ETNK2: variants seen among roughly 807,000 people sequenced by gnomAD.
The protein encoded by ETNK2 is ethanolamine kinase 2.
Under a neutral mutation model 46.2 loss-of-function variants are expected in ETNK2, and 33 were observed. The observed-to-expected ratio is 0.71, with a 90% CI of 0.54 to 0.96. The LOEUF (loss-of-function observed/expected upper bound fraction) is 0.96. Ranked by LOEUF, ETNK2 falls within the 40% of genes least tolerant of loss-of-function variation. The pLI is 0.00. For missense variants in ETNK2, 445 were observed against 509.7 expected, an observed-to-expected ratio of 0.87 and a Z score of 1.22; for synonymous variants, 194 against 209.0, an observed-to-expected ratio of 0.93 and a Z score of 0.62.
intron 1 of ETNK2, among the ~76,000 whole-genome samples, 185 bp from the exon 2 acceptor site, chr1:204,150,147 G>A (rs1657950468): frequency 1.3e-5 from 2 of 152,146 alleles, no homozygotes; most frequent in South Asian, 2.1e-4. Flanking sequence ...GGAGTCTCCA[G>A]TCTCTATAGA....
chr1:204,135,402 C>T (rs182274702), intron 6 of ETNK2, among the ~76,000 whole-genome samples: 5 of 152,072 alleles, frequency 3.3e-5, no homozygotes, highest in East Asian at 3.9e-4. Context: ...CAAACCTGCA[C>T]GTGTACCTCT....
intron 3 of ETNK2, among the ~76,000 whole-genome samples, chr1:204,144,343 C>G (rs1223708411): frequency 5.5e-5 from 1 of 18,228 alleles, no homozygotes; most frequent in Non-Finnish European, 9.2e-5. Context: ...GAGAATCCAT[C>G]TCAAAAAAAA....
At chr1:204,137,534 C>A (rs1385419049) in intron 5 of ETNK2, among the ~76,000 whole-genome samples, 3 of 152,128 alleles carry the variant, frequency 2.0e-5, no homozygotes, top group South Asian at 2.1e-4. Flanking sequence ...GTGACAGGAA[C>A]CCCTCAAGAC....
At position 204,137,140 on chromosome 1, in the gene ETNK2, C is replaced by T. The variant is rs754536920; in HGVS notation, c.978G>A (p.Val326=). 9 of 1,613,848 alleles carry T rather than the reference C, an allele frequency of 5.6e-6. No individual in the cohort carries two copies. The East Asian group carries it at 2.0e-4, about 36-fold the overall frequency. ...TGTTGACTTGCACGTAGAGCCTTTG[C>T]ACCTCCCTGGGGGTCACGGCCATCC... is the stretch of plus-strand genomic sequence containing the variant. ...QKGMAVTPRE[V]QRLYVQVNKF... Residue 326 remains valine (V), a synonymous_variant, in exon 6 of 8, where the codon GTG becomes GTA. Coordinates refer to ENST00000367202, the MANE Select transcript of ETNK2 (RefSeq NM_018208.4).
intron 4 of ETNK2, 40 bp downstream of exon 4, chr1:204,141,274 AC>A: frequency 6.2e-7 from 1 of 1,613,684 alleles, no homozygotes; most frequent in Non-Finnish European, 8.5e-7. Context: ...TAACCAACCA[AC>A]CAAAACCCTG....
intron 5 of ETNK2, among the ~76,000 whole-genome samples, chr1:204,137,833 G>C (rs1657348933): frequency 6.6e-6 from 1 of 152,120 alleles, no homozygotes; most frequent in Non-Finnish European, 1.5e-5. Flanking sequence ...CTGATGTGTA[G>C]CCAGGCTGGG....
intron 2 of ETNK2, chr1:204,147,613 G>A (rs1420983600): frequency 5.9e-6 from 3 of 510,052 alleles, no homozygotes; most frequent in African/African-American, 2.0e-5. Flanking sequence ...CCAACATACA[G>A]CCTCTGCCTG....
chr1:204,146,585 A>C (rs78859872), intron 3 of ETNK2, 57 bp downstream of exon 3: 44,199 of 1,604,160 alleles, frequency 0.028, 728 homozygotes, highest in Middle Eastern at 0.046. Flanking sequence ...TGGAGCCAAA[A>C]GGATGGGGAA....
At chr1:204,138,220 C>A (rs1319314680) in intron 5 of ETNK2, among the ~76,000 whole-genome samples, 1 of 152,130 alleles carries the variant, frequency 6.6e-6, no homozygotes, top group Admixed American at 6.5e-5. Flanking sequence ...ACTCTCATCT[C>A]CCAATGCCCA....
At chr1:204,149,567 A>G (rs1657922939) in intron 2 of ETNK2, 136 bp downstream of exon 2, 3 of 1,105,926 alleles carry the variant, frequency 2.7e-6, no homozygotes, top group Non-Finnish European at 3.8e-6. Context: ...AGCAATGCAT[A>G]TAAACATGCA....
intron 6 of ETNK2, among the ~76,000 whole-genome samples, chr1:204,136,043 A>G (rs1657267134): frequency 6.6e-6 from 1 of 152,178 alleles, no homozygotes; most frequent in South Asian, 2.1e-4. Flanking sequence ...GTTACACAGA[A>G]GTATGAGCTT....
Position 204,139,977 on chromosome 1 carries a change from T to C in ETNK2, c.868+58A>G, listed in dbSNP as rs554458793. 4.5e-5 allele frequency: 63 copies of C among 1,392,214 alleles called. 1 individual carries two copies. In the East Asian group the frequency reaches 1.3e-3, roughly 28 times the overall value. The allele number at this position is 1,392,214 out of a possible 1,614,324, so 86.2% of individuals were successfully genotyped here. The stretch of plus-strand genomic sequence containing the variant: ...TCATAGGACCACCATCTACATGCGG[T>C]CAGTCATTGACTGAAACACCGCTAC... On this transcript the variant is annotated intron_variant, in intron 5 of 7. Coordinates refer to ENST00000367202, the MANE Select transcript of ETNK2 (RefSeq NM_018208.4).
At chr1:204,145,993 T>C (rs1383591609) in intron 3 of ETNK2, among the ~76,000 whole-genome samples, 1 of 152,068 alleles carries the variant, frequency 6.6e-6, no homozygotes, top group Non-Finnish European at 1.5e-5. Flanking sequence ...CCCTGTCTTA[T>C]CAGGGAAAGG....
Position 204,151,565 on chromosome 1 carries a change from C to G in ETNK2, c.258+30G>C. On this transcript the variant is annotated intron_variant, in intron 1 of 7. Transcript: ENST00000367202. This position sits in a 1 kb window ranked among gnomAD's most constrained non-coding sequence, Gnocchi z 8.0. ...TCCCCCTGGCAGCCCTGGCAGGACC[C>G]CATCCTCGGCCCCGCGCCCACTCCG... 1 of 1,548,210 alleles carries G rather than the reference C, an allele frequency of 6.5e-7. No individual in the cohort carries two copies. The highest frequency in any genetic ancestry group is 8.7e-7 in the Non-Finnish European group (1 of 1,145,944).
intron 4 of ETNK2, 28 bp from the exon 5 acceptor site, chr1:204,140,146 G>A: frequency 6.3e-7 from 1 of 1,591,702 alleles, no homozygotes; most frequent in Non-Finnish European, 8.6e-7. Flanking sequence ...ATCGATGAGA[G>A]TTGGCCCAGG....
At chr1:204,142,217 T>G (rs898343850) in intron 3 of ETNK2, 2 of 152,254 alleles carry the variant, frequency 1.3e-5, no homozygotes, top group Admixed American at 6.5e-5. Flanking sequence ...GCATGCTTGC[T>G]TTGTGGCTCC....
chr1:204,148,233 T>C (rs545536318), intron 2 of ETNK2, among the ~76,000 whole-genome samples: 4 of 150,968 alleles, frequency 2.6e-5, no homozygotes, highest in Non-Finnish European at 5.9e-5. Flanking sequence ...CTATCCCAAT[T>C]TCGGGCTCTC....
At chr1:204,135,403 G>A (rs1209546369) in intron 6 of ETNK2, among the ~76,000 whole-genome samples, 4 of 152,110 alleles carry the variant, frequency 2.6e-5, no homozygotes, top group South Asian at 2.1e-4. Flanking sequence ...AAACCTGCAC[G>A]TGTACCTCTG....
rs1282464913 is a variant in ETNK2 at position 204,134,389 on chromosome 1, G to C, written c.1088+126C>G. The C allele has an allele frequency of 2.3e-5, 24 of 1,050,914 alleles. 1 individual carries two copies. The South Asian group carries it at 3.7e-4, about 16-fold the overall frequency. 65.1% of individuals were successfully genotyped at this position (1,050,914 alleles called of 1,614,324 possible). A position where few individuals can be genotyped will look rare whatever the true frequency, so the allele number is the denominator to read the frequency against. On this transcript the variant is annotated intron_variant, in intron 7 of 7. Coordinates refer to ENST00000367202, the MANE Select transcript of ETNK2 (RefSeq NM_018208.4). ...GGCCCCGCTGGAGATGAGCTGGAAC[G>C]GGGGCGAGTCAGCAGAGCAGGGGAG...
Sources: gnomAD v4.1 joint callset for allele counts (sites outside exome capture counted in the v4.1 genomes callset) on GRCh38, gnomAD v4.1.1 for gene constraint, Gnocchi (gnomAD v3.1) non-coding constraint, MANE v1.5 for transcripts, NCBI Gene and HGNC (gene_info 2026-07-23, HGNC 2026-07-21) for gene names.